The following CAPN11 variants were observed in gnomAD, a reference collection of about 807,000 sequenced individuals.
CAPN11 encodes the protein calpain 11.
A neutral mutation model predicts 105.3 loss-of-function variants in CAPN11; 108 were observed. The ratio of observed to expected loss-of-function variants is 1.03; its 90% CI spans 0.88 to 1.20. The LOEUF (loss-of-function observed/expected upper bound fraction) is 1.20. Ranked by LOEUF, CAPN11 falls within the 50% of genes most tolerant of loss-of-function variation. The pLI is 0.00. For synonymous variants in CAPN11, 329 were observed against 344.5 expected (o/e 0.96, Z 0.50); for missense variants, 883 against 924.8 (o/e 0.95, Z 0.59).
chr6:44,178,111 G>A (rs577226794), intron 12 of CAPN11, among the ~76,000 whole-genome samples: 13 of 152,224 alleles, frequency 8.5e-5, no homozygotes, highest in African/African-American at 2.2e-4. Flanking sequence ...AGCCAGAGCC[G>A]GCAGTTTTCT....
chr6:44,183,792 G>T, intron 22 of CAPN11, 29 bp downstream of exon 22: 1 of 1,610,220 alleles, frequency 6.2e-7, no homozygotes, highest in Non-Finnish European at 8.5e-7. Flanking sequence ...GAAGGAATCT[G>T]CAGGATTGCA....
chr6:44,183,085 T>C, intron 20 of CAPN11, 34 bp from the exon 21 acceptor site: 1 of 1,597,572 alleles, frequency 6.3e-7, no homozygotes, highest in South Asian at 1.1e-5. Context: ...AGGCCCAGAC[T>C]TTTCCCCTCC....
intron 1 of CAPN11, among the ~76,000 whole-genome samples, chr6:44,165,440 T>C (rs1489283211): frequency 1.3e-5 from 2 of 152,216 alleles, no homozygotes; most frequent in African/African-American, 2.4e-5. Flanking sequence ...GAGGGGATGC[T>C]TGGCTTCCAG....
rs775469800 is a variant in CAPN11 at position 44,180,904 on chromosome 6, C to T, written c.1805-29C>T. 6 of 1,612,014 alleles carry T rather than the reference C, an allele frequency of 3.7e-6. No individual in the cohort carries two copies. In the Admixed American group the frequency reaches 6.7e-5, roughly 18 times the overall value. On this transcript the variant is annotated intron_variant, in intron 17 of 22. Coordinates refer to ENST00000398776, the MANE Select transcript of CAPN11 (RefSeq NM_007058.4). ...CCACGATACCTCATTTACCCTGTCTCTCCTTTCTACCCCTTCCCTTCCTCA... is the reference window on the plus strand; with the variant it reads ...CCACGATACCTCATTTACCCTGTCTTTCCTTTCTACCCCTTCCCTTCCTCA...
intron 19 of CAPN11, 123 bp downstream of exon 19, chr6:44,181,443 C>CCACACACACACATA (rs1679659961): frequency 1.0e-5 from 6 of 589,980 alleles, no homozygotes; most frequent in Admixed American, 5.6e-5. Flanking sequence ...CCCAACCACA[C>CCACACACACACATA]CACACTCACA....
chr6:44,161,294 G>A (rs1412973460), intron 1 of CAPN11, among the ~76,000 whole-genome samples: 1 of 152,028 alleles, frequency 6.6e-6, no homozygotes, highest in African/African-American at 2.4e-5. Context: ...CCACCTCCCG[G>A]GTTCAAGCGA....
chr6:44,166,150 G>C (rs994081023), intron 1 of CAPN11, among the ~76,000 whole-genome samples: 1 of 152,162 alleles, frequency 6.6e-6, no homozygotes, highest in Non-Finnish European at 1.5e-5. Flanking sequence ...CAGGAGAAGG[G>C]GTTTGCTTGG....
In CAPN11 at chr6:44,180,770, A is replaced by G. The variant is rs752569949; in HGVS notation, c.1769A>G (p.Glu590Gly). Residue 590 changes from glutamate (E) to glycine (G), a missense_variant, in exon 17 of 23, where the codon GAG (glutamate) becomes GGG (glycine). Glu to Gly is a moderately conservative substitution (Grantham distance 98, BLOSUM62 -2). Transcript: ENST00000398776. ...TAGGGCAAGGAGATAGGGGTGTATGAGCTCCAGAGGCTGCTCAACAGGATG... is the reference window on the plus strand; with the variant it reads ...TAGGGCAAGGAGATAGGGGTGTATGGGCTCCAGAGGCTGCTCAACAGGATG... Reference protein sequence around the residue: ...AGEGKEIGVYELQRLLNRMAI... With the variant: ...AGEGKEIGVYGLQRLLNRMAI... 11 of 1,613,444 alleles carry G rather than the reference A, an allele frequency of 6.8e-6. No homozygotes were observed. The East Asian group carries it at 2.5e-4, about 36-fold the overall frequency.
chr6:44,178,750 T>TAAAAAAA (rs35225903), intron 12 of CAPN11, among the ~76,000 whole-genome samples: 10 of 116,070 alleles, frequency 8.6e-5, no homozygotes, highest in South Asian at 3.2e-4. Flanking sequence ...CTGTCTCGAT[T>TAAAAAAA]AAAAAAAAAA....
chr6:44,159,685 T>C (rs1768353722), intron 1 of CAPN11, among the ~76,000 whole-genome samples: 1 of 152,116 alleles, frequency 6.6e-6, no homozygotes, highest in Non-Finnish European at 1.5e-5. Context: ...CAAGACCTCA[T>C]CTCAAAATAT....
At chr6:44,182,189 T>C (rs1036040018) in intron 19 of CAPN11, among the ~76,000 whole-genome samples, 1 of 58,260 alleles carries the variant, frequency 1.7e-5, no homozygotes, top group East Asian at 4.9e-4. Flanking sequence ...CACACTCACA[T>C]ACAGACACAA....
Position 44,158,832 on chromosome 6 carries a change from C to T in CAPN11, c.-17C>T, listed in dbSNP as rs1561834399. ...CACCAGAACCTTCAACTGTCAAGCA[C>T]CGAGCTAGCCACCAGCATGCTGTAC... is the stretch of plus-strand genomic sequence containing the variant. On this transcript the variant is annotated 5_prime_UTR_variant, in exon 1 of 23. Coordinates refer to ENST00000398776, the MANE Select transcript of CAPN11 (RefSeq NM_007058.4). 6.4e-7 allele frequency: 1 copy of T among 1,551,226 alleles called. No homozygotes were observed.
Position 44,180,591 on chromosome 6 carries a change from C to A in CAPN11, c.1681-6C>A. 1 of 1,613,748 alleles carries A rather than the reference C, an allele frequency of 6.2e-7. No individual in the cohort carries two copies. Among genetic ancestry groups the A allele is most frequent in the South Asian group, 1.1e-5 (1 of 91,068 alleles). ...CCAGGTCCCTTTCCTGCTCCCCGGC[C>A]CCCAGGAAAAGGTCTCTGAGGATGA... is the stretch of plus-strand genomic sequence containing the variant. On this transcript the variant is annotated splice_region_variant and splice_polypyrimidine_tract_variant and intron_variant, in intron 15 of 22. Coordinates refer to ENST00000398776, the MANE Select transcript of CAPN11 (RefSeq NM_007058.4).
At chr6:44,182,837 G>C (rs1774015896) in intron 19 of CAPN11, 104 bp from the exon 20 acceptor site, 1 of 794,844 alleles carries the variant, frequency 1.3e-6, no homozygotes, top group South Asian at 1.5e-5. Flanking sequence ...GCCTTTCAAA[G>C]TGCTGGGATT....
rs746031431 is a variant in CAPN11 at position 44,173,314 on chromosome 6, G to T, written c.759G>T (p.Arg253Ser). 5.6e-6 allele frequency: 9 copies of T among 1,613,908 alleles called. No homozygotes were observed. Among genetic ancestry groups the T allele is most frequent in the South Asian group, 3.3e-5 (3 of 91,076 alleles). Residue 253 changes from arginine to serine, a missense_variant, in exon 7 of 23, where the codon AGG becomes AGT. By Grantham distance (110) the Arg-to-Ser change is moderately radical. Coordinates refer to ENST00000398776, the MANE Select transcript of CAPN11 (RefSeq NM_007058.4). Reference protein sequence around the residue: ...GGVAQSFQLQRPPQNLLRLLR... With the variant: ...GGVAQSFQLQSPPQNLLRLLR... ...TGGCCCAGAGCTTCCAACTCCAGAG[G>T]CCCCCTCAGAACCTGCTCAGGCTCC...
intron 16 of CAPN11, 28 bp from the exon 17 acceptor site, chr6:44,180,720 G>C (rs748529269): frequency 1.2e-6 from 2 of 1,613,560 alleles, no homozygotes; most frequent in Admixed American, 1.7e-5. Flanking sequence ...GGAGGGGCCC[G>C]AGTGGGGTTC....
chr6:44,177,096 G>T, intron 11 of CAPN11, 98 bp downstream of exon 11: 1 of 1,492,856 alleles, frequency 6.7e-7, no homozygotes. Flanking sequence ...ACCGGAGTCA[G>T]GGTCCATGAG....
intron 4 of CAPN11, among the ~76,000 whole-genome samples, chr6:44,171,447 C>T (rs1454516021): frequency 2.0e-5 from 3 of 152,168 alleles, no homozygotes; most frequent in East Asian, 1.9e-4. Flanking sequence ...TTGGGAACTT[C>T]GTGGCCACAC....
At chr6:44,181,041 C>A in intron 18 of CAPN11, 44 bp downstream of exon 18, 2 of 1,571,124 alleles carry the variant, frequency 1.3e-6, no homozygotes, top group Admixed American at 3.3e-5. Context: ...CCCCTGCCCA[C>A]AAGCCTGGCC....
Sources: gnomAD v4.1 joint callset for allele counts (sites outside exome capture counted in the v4.1 genomes callset) on GRCh38, gnomAD v4.1.1 for gene constraint, MANE v1.5 for transcripts, NCBI Gene and HGNC (gene_info 2026-07-23, HGNC 2026-07-21) for gene names.